The following PACRG variants were observed in gnomAD, a reference collection of about 807,000 sequenced individuals.
The protein encoded by PACRG is parkin coregulated gene protein.
A neutral mutation model predicts 29.7 loss-of-function variants in PACRG; 29 were observed. The observed-to-expected ratio is 0.98, with a 90% CI of 0.73 to 1.33. PACRG has a LOEUF of 1.33. Ranked by LOEUF, PACRG falls within the 40% of genes most tolerant of loss-of-function variation. The pLI is 0.00. For synonymous variants in PACRG, 116 were observed against 118.7 expected, an observed-to-expected ratio of 0.98 and a Z score of 0.15; for missense variants, 279 against 316.2, an observed-to-expected ratio of 0.88 and a Z score of 0.89.
intron 4 of PACRG, among the ~76,000 whole-genome samples, chr6:163,263,198 C>T (rs1008265215): frequency 2.0e-5 from 3 of 150,566 alleles, no homozygotes; most frequent in Middle Eastern, 3.2e-3. Flanking sequence ...TTACTTGCGT[C>T]GTCATGCCAA....
At chr6:162,838,097 C>T (rs1789396302) in intron 2 of PACRG, among the ~76,000 whole-genome samples, 1 of 152,088 alleles carries the variant, frequency 6.6e-6, no homozygotes, top group Non-Finnish European at 1.5e-5. Context: ...CCATATTATT[C>T]TTTCCTATCT....
At chr6:163,195,093 G>A (rs954032812) in intron 4 of PACRG, among the ~76,000 whole-genome samples, 3 of 152,084 alleles carry the variant, frequency 2.0e-5, no homozygotes, top group Admixed American at 6.5e-5. Flanking sequence ...TCTTGACCCC[G>A]ACTCTCACCA....
intron 4 of PACRG, among the ~76,000 whole-genome samples, chr6:163,171,098 C>G (rs1476891600): frequency 6.6e-6 from 1 of 151,970 alleles, no homozygotes; most frequent in Non-Finnish European, 1.5e-5. Flanking sequence ...AATGCAGGTT[C>G]GACCATAATT....
chr6:163,023,734 ATC>A (rs1218165881), intron 2 of PACRG, among the ~76,000 whole-genome samples: 3 of 152,172 alleles, frequency 2.0e-5, no homozygotes, highest in Non-Finnish European at 2.9e-5. Context: ...CCTCACCAGG[ATC>A]TGTTGTTTTT....
chr6:162,884,919 G>T (rs369250049), intron 2 of PACRG, among the ~76,000 whole-genome samples: 6 of 152,140 alleles, frequency 3.9e-5, no homozygotes, highest in Non-Finnish European at 7.3e-5. Flanking sequence ...CCCGTGTAAC[G>T]TACTGAAATT....
intron 2 of PACRG, among the ~76,000 whole-genome samples, chr6:162,832,863 C>G (rs1788906046): frequency 6.7e-6 from 1 of 148,828 alleles, no homozygotes; most frequent in African/African-American, 2.5e-5. Context: ...TCCAAATAAA[C>G]TATTATATTT....
chr6:163,207,891 T>A (rs11755745), intron 4 of PACRG, among the ~76,000 whole-genome samples: 1 of 152,108 alleles, frequency 6.6e-6, no homozygotes, highest in African/African-American at 2.4e-5. Flanking sequence ...CCAAGTGAGA[T>A]TGTGCCTGTC....
intron 2 of PACRG, among the ~76,000 whole-genome samples, chr6:162,995,027 G>C (rs1250052451): frequency 6.6e-6 from 1 of 151,002 alleles, no homozygotes; most frequent in African/African-American, 2.5e-5. Context: ...GCCCCTGCTG[G>C]GGGGTGCCTC....
intron 2 of PACRG, among the ~76,000 whole-genome samples, chr6:162,998,631 C>T (rs1247664342): frequency 1.3e-5 from 2 of 152,132 alleles, no homozygotes; most frequent in Admixed American, 1.3e-4. Flanking sequence ...TGTTTTCTCT[C>T]ATATTGTGGG....
intron 4 of PACRG, among the ~76,000 whole-genome samples, chr6:163,255,129 G>C (rs1422895546): frequency 6.6e-6 from 1 of 152,178 alleles, no homozygotes. Context: ...CATCCAGCTA[G>C]AATAGCACCT....
intron 2 of PACRG, among the ~76,000 whole-genome samples, chr6:162,890,445 G>A (rs116469238): frequency 3.5e-4 from 54 of 152,176 alleles, no homozygotes; most frequent in African/African-American, 1.2e-3. Context: ...GTTTGTTCTA[G>A]TGTTTTCCCA....
intron 2 of PACRG, among the ~76,000 whole-genome samples, chr6:162,929,829 A>G (rs1191905312): frequency 6.6e-6 from 1 of 151,992 alleles, no homozygotes; most frequent in Non-Finnish European, 1.5e-5. Flanking sequence ...CATGTATTAA[A>G]GAGAGTGTTC....
At chr6:163,278,662 C>A (rs1784133814) in intron 4 of PACRG, among the ~76,000 whole-genome samples, 1 of 152,086 alleles carries the variant, frequency 6.6e-6, no homozygotes, top group Non-Finnish European at 1.5e-5. Context: ...GGCTTTATTT[C>A]TGGGTTCTCT....
chr6:163,264,158 C>T (rs376164916), intron 4 of PACRG, among the ~76,000 whole-genome samples: 11 of 152,110 alleles, frequency 7.2e-5, no homozygotes, highest in Admixed American at 2.0e-4. Flanking sequence ...GTTAGATCAT[C>T]GGGGAATGTA....
rs1021154654 is a variant in PACRG at position 162,955,011 on chromosome 6, C to T, written c.292-107139C>T. ...CATCTGCTACTGCTGGGTAACTAGA[C>T]GTATATCAGATATTATGTAGACATA... is the stretch of plus-strand genomic sequence containing the variant. On this transcript the variant is annotated intron_variant, in intron 2 of 4. Coordinates refer to ENST00000366888, the MANE Select transcript of PACRG (RefSeq NM_001080379.2). 5.3e-5 allele frequency among the ~76,000 whole-genome samples: 8 copies of T among 152,236 alleles called. No individual in the cohort carries two copies. In the East Asian group the frequency reaches 7.7e-4, roughly 15 times the overall value.
At chr6:162,897,124 A>C (rs1795230320) in intron 2 of PACRG, among the ~76,000 whole-genome samples, 1 of 152,240 alleles carries the variant, frequency 6.6e-6, no homozygotes, top group Non-Finnish European at 1.5e-5. Flanking sequence ...GTTCCTGGGC[A>C]ACAAAACTTG....
At chr6:163,270,851 G>C (rs1562351085) in intron 4 of PACRG, among the ~76,000 whole-genome samples, 1 of 152,152 alleles carries the variant, frequency 6.6e-6, no homozygotes, top group Non-Finnish European at 1.5e-5. Context: ...TTCTCCAATA[G>C]AAAATGGTAG....
intron 4 of PACRG, among the ~76,000 whole-genome samples, chr6:163,277,483 G>GTATATATATATATATA (rs112325843): frequency 1.4e-5 from 2 of 142,134 alleles, no homozygotes; most frequent in African/African-American, 5.3e-5. Flanking sequence ...GTGTATGTGT[G>GTATATATATATATATA]TATATATATA....
chr6:163,049,787 T>G (rs1432176231), intron 2 of PACRG, among the ~76,000 whole-genome samples: 1 of 152,104 alleles, frequency 6.6e-6, no homozygotes, highest in East Asian at 1.9e-4. Flanking sequence ...GATAGCATTC[T>G]CTTTGGACAG....
Sources: gnomAD v4.1 joint callset for allele counts (sites outside exome capture counted in the v4.1 genomes callset) on GRCh38, gnomAD v4.1.1 for gene constraint, MANE v1.5 for transcripts, NCBI Gene and HGNC (gene_info 2026-07-23, HGNC 2026-07-21) for gene names.